Variants in CPZ observed in about 807,000 individuals in gnomAD.
CPZ encodes the protein VEZT/CPZ fusion.
In CPZ, 103 loss-of-function variants were observed where a neutral mutation model predicts 61.8. The observed-to-expected ratio is 1.67, with a 90% confidence interval of 1.42 to 1.96. The LOEUF (loss-of-function observed/expected upper bound fraction) is 1.96. Among genes scored for constraint, CPZ ranks in the 30% most tolerant of loss-of-function variants. The pLI is 0.00. For missense variants in CPZ, 1,461 were observed against 914.9 expected, an observed-to-expected ratio of 1.60 and a Z score of -7.70; for synonymous variants, 551 against 373.7, an observed-to-expected ratio of 1.47 and a Z score of -5.47.
At chr4:8,606,979 CT>C in intron 6 of CPZ, 81 bp downstream of exon 6, 1 of 1,471,426 alleles carries the variant, frequency 6.8e-7, no homozygotes, top group Non-Finnish European at 9.1e-7. Context: ...TGGAGTTGTC[CT>C]TCCCTGGGGA....
chr4:8,617,054 T>C (rs1394233277), intron 9 of CPZ, among the ~76,000 whole-genome samples: 2 of 152,216 alleles, frequency 1.3e-5, no homozygotes, highest in Non-Finnish European at 2.9e-5. Context: ...CACTCCCCTC[T>C]TTCAGCCACC....
In CPZ at chr4:8,614,342, C is replaced by G; in HGVS notation, c.1364-17C>G. 2 of 1,609,446 alleles carry G rather than the reference C, an allele frequency of 1.2e-6. No individual in the cohort carries two copies. Among genetic ancestry groups the G allele is most frequent in the East Asian group, 2.2e-5 (1 of 44,806 alleles). ...GCGGCTGACACCCCTGACGTCCCCG[C>G]TGTCTCTGTGCCACAGGCATGTCCG... On this transcript the variant is annotated splice_polypyrimidine_tract_variant and intron_variant, in intron 8 of 10. Coordinates refer to ENST00000360986, the MANE Select transcript of CPZ (RefSeq NM_001014447.3).
chr4:8,606,625 G>A (rs919585125), intron 5 of CPZ, 112 bp from the exon 6 acceptor site: 6 of 1,368,580 alleles, frequency 4.4e-6, no homozygotes, highest in Non-Finnish European at 6.2e-6. Context: ...ACATAAAGCC[G>A]GGGGAAACCG....
At chr4:8,595,473 G>GCT (rs1174995571) in intron 1 of CPZ, among the ~76,000 whole-genome samples, 2 of 152,242 alleles carry the variant, frequency 1.3e-5, no homozygotes, top group Non-Finnish European at 2.9e-5. Context: ...CAGAGGGTGG[G>GCT]CTTTGGGTCA....
chr4:8,601,571 A>T lies in CPZ; in HGVS notation c.496+74A>T. On this transcript the variant is annotated intron_variant, in intron 3 of 10. Coordinates refer to ENST00000360986, the MANE Select transcript of CPZ (RefSeq NM_001014447.3). ...AAGGAGGACCAAGAGCCACACTGGA[A>T]GGAACTTGAGGGCTTTTCCATCGAC... 1.1e-5 allele frequency: 15 copies of T among 1,372,786 alleles called. No individual in the cohort carries two copies. The South Asian group carries it at 2.3e-4, about 21-fold the overall frequency. 85.0% of individuals were successfully genotyped at this position (1,372,786 alleles called of 1,614,324 possible).
intron 9 of CPZ, among the ~76,000 whole-genome samples, chr4:8,617,735 G>C (rs1716302373): frequency 6.6e-6 from 1 of 152,194 alleles, no homozygotes; most frequent in South Asian, 2.1e-4. Flanking sequence ...TGCTCAGCGT[G>C]ACCTTCAGCA....
intron 2 of CPZ, 58 bp downstream of exon 2, chr4:8,599,543 T>G: frequency 6.2e-7 from 1 of 1,605,092 alleles, no homozygotes; most frequent in Admixed American, 1.7e-5. Flanking sequence ...GCCCCCACAC[T>G]GTCAGAGCAC....
chr4:8,603,360 C>G (rs1233074725), intron 3 of CPZ: 1 of 152,384 alleles, frequency 6.6e-6, no homozygotes, highest in Non-Finnish European at 1.5e-5. Context: ...CGTTCGTATT[C>G]TAGTTCCAGA....
intron 7 of CPZ, among the ~76,000 whole-genome samples, chr4:8,608,682 G>C (rs916135980): frequency 2.3e-4 from 35 of 151,504 alleles, no homozygotes; most frequent in African/African-American, 8.6e-4. Flanking sequence ...GCATATGTTG[G>C]GGTGGGGAAC....
At chr4:8,615,363 G>C (rs1307222448) in intron 9 of CPZ, among the ~76,000 whole-genome samples, 1 of 152,226 alleles carries the variant, frequency 6.6e-6, no homozygotes, top group Non-Finnish European at 1.5e-5. Flanking sequence ...ACCCCAAGAA[G>C]GGTCCAGGAT....
intron 9 of CPZ, 48 bp downstream of exon 9, chr4:8,614,546 G>C (rs377532914): frequency 5.0e-5 from 80 of 1,593,348 alleles, no homozygotes; most frequent in Non-Finnish European, 6.6e-5. Context: ...GGCCTGGGTG[G>C]GGTGGGTCAC....
chr4:8,616,261 G>A (rs976108978), intron 9 of CPZ, among the ~76,000 whole-genome samples: 1 of 152,190 alleles, frequency 6.6e-6, no homozygotes, highest in Non-Finnish European at 1.5e-5. Context: ...CCTCGGGTGG[G>A]AGTCTACATC....
At chr4:8,616,780 C>A (rs995715138) in intron 9 of CPZ, among the ~76,000 whole-genome samples, 2 of 152,194 alleles carry the variant, frequency 1.3e-5, no homozygotes, top group South Asian at 4.1e-4. Context: ...TTTATGCTCT[C>A]CCTCCCGCTA....
chr4:8,618,393 C>T, intron 9 of CPZ, 36 bp from the exon 10 acceptor site: 1 of 1,601,242 alleles, frequency 6.2e-7, no homozygotes. Flanking sequence ...CAGGAGAGCT[C>T]ACGCCATCTC....
intron 3 of CPZ, chr4:8,603,168 T>G (rs1332793414): frequency 1.3e-5 from 2 of 152,270 alleles, no homozygotes; most frequent in Non-Finnish European, 2.9e-5. Context: ...GAGGAGCACA[T>G]TAACTCTCTG....
intron 9 of CPZ, 61 bp from the exon 10 acceptor site, chr4:8,618,368 G>T: frequency 4.6e-6 from 7 of 1,525,060 alleles, no homozygotes; most frequent in African/African-American, 1.4e-5. Context: ...ACGAGCTGAC[G>T]GCCTCCACGC....
At chr4:8,595,516 CCAGAGGCCTA>C (rs1714113555) in intron 1 of CPZ, among the ~76,000 whole-genome samples, 1 of 152,200 alleles carries the variant, frequency 6.6e-6, no homozygotes, top group Non-Finnish European at 1.5e-5. Flanking sequence ...AGGGGCAAAA[CCAGAGGCCTA>C]CGGAGGCCAA....
At position 8,604,155 on chromosome 4, in the gene CPZ, G is replaced by C. The variant is rs768161526; in HGVS notation, c.676G>C (p.Glu226Gln). The C allele has an allele frequency of 7.0e-6, 11 of 1,578,946 alleles. No homozygotes were observed. In the South Asian group the frequency reaches 1.0e-4, roughly 15 times the overall value. ...CGACGGCAGGGAGCTGCTGGTCATCGAGTTCTCCAGCCGCCCCGGCCAGCA... is the reference window on the plus strand; with the variant it reads ...CGACGGCAGGGAGCTGCTGGTCATCCAGTTCTCCAGCCGCCCCGGCCAGCA... ...SFDGRELLVI[E>Q]FSSRPGQHEL... is the part of the protein sequence containing the mutation. The change falls in exon 4 of 11, where the codon GAG (glutamate) becomes CAG (glutamine). Residue 226 changes from glutamate to glutamine, a missense_variant. Glu to Gln is a conservative substitution (Grantham distance 29). Coordinates refer to ENST00000360986, the MANE Select transcript of CPZ (RefSeq NM_001014447.3).
rs370559037 is a variant in CPZ, at chr4:8,608,009, C to T, written c.1227+584C>T. 1.0e-4 allele frequency among the ~76,000 whole-genome samples: 15 copies of T among 150,666 alleles called. No homozygotes were observed. In the East Asian group the frequency reaches 1.2e-3, roughly 12 times the overall value. ...GATGAGACCCGTGATGATGCTGGGACCCTCCCAACCCACCCTAACCTTAGG... is the reference window on the plus strand; with the variant it reads ...GATGAGACCCGTGATGATGCTGGGATCCTCCCAACCCACCCTAACCTTAGG... On this transcript the variant is annotated intron_variant, in intron 7 of 10. Transcript: ENST00000360986.
Sources: allele counts gnomAD v4.1 joint callset (sites outside exome capture counted in the v4.1 genomes callset), GRCh38; gene constraint gnomAD v4.1.1; transcripts MANE v1.5; gene names NCBI Gene and HGNC (gene_info 2026-07-23, HGNC 2026-07-21).